The following CNTN1 variants were observed in gnomAD, a reference collection of about 807,000 sequenced individuals.
CNTN1 encodes the protein contactin 1.
A neutral mutation model predicts 126.4 loss-of-function variants in CNTN1; 38 were observed. The observed-to-expected ratio is 0.30, with a 90% CI of 0.23 to 0.39. The LOEUF (loss-of-function observed/expected upper bound fraction) is 0.39, where lower values mean the gene tolerates loss of function less well. Among genes scored for constraint, CNTN1 ranks in the 10% least tolerant of loss-of-function variants. The pLI is 1.00. For missense variants in CNTN1, 1,009 were observed against 1,248.4 expected, an observed-to-expected ratio of 0.81 and a Z score of 2.89; for synonymous variants, 413 against 422.6, an observed-to-expected ratio of 0.98 and a Z score of 0.28.
chr12:40,798,483 T>G (rs560895813), intron 1 of CNTN1, among the ~76,000 whole-genome samples: 19 of 152,070 alleles, frequency 1.2e-4, no homozygotes, highest in African/African-American at 4.1e-4. Flanking sequence ...AGGTGGATGA[T>G]AGCCAAGGGT....
intron 1 of CNTN1, among the ~76,000 whole-genome samples, chr12:40,893,761 G>A (rs990161105): frequency 6.6e-6 from 1 of 151,964 alleles, no homozygotes; most frequent in African/African-American, 2.4e-5. Context: ...TGATTAGGAG[G>A]TTCTCTTGCT....
chr12:40,725,673 G>A (rs770971826), intron 1 of CNTN1, among the ~76,000 whole-genome samples: 5 of 152,094 alleles, frequency 3.3e-5, no homozygotes, highest in Non-Finnish European at 4.4e-5. Context: ...AGCAAACACA[G>A]TTGACCTAAT....
chr12:40,805,595 G>T (rs1369305480), intron 1 of CNTN1, among the ~76,000 whole-genome samples: 2 of 152,028 alleles, frequency 1.3e-5, no homozygotes, highest in Non-Finnish European at 2.9e-5. Flanking sequence ...CTTTATATCT[G>T]TTAGCATTTT....
At chr12:40,956,831 A>G (rs1592319711) in intron 14 of CNTN1, among the ~76,000 whole-genome samples, 1 of 152,214 alleles carries the variant, frequency 6.6e-6, no homozygotes, top group East Asian at 1.9e-4. Flanking sequence ...TTAAAAGGTT[A>G]TTCTAGGTAA....
chr12:40,812,385 T>C (rs73116766), intron 1 of CNTN1, among the ~76,000 whole-genome samples: 3,464 of 152,190 alleles, frequency 0.023, 126 homozygotes, highest in African/African-American at 0.078. Flanking sequence ...GTGTATGTCT[T>C]GTGTTCACTT....
intron 6 of CNTN1, among the ~76,000 whole-genome samples, chr12:40,926,218 T>TAGATAGATAGAC (rs1945689677): frequency 6.6e-6 from 1 of 151,240 alleles, no homozygotes; most frequent in African/African-American, 2.4e-5. Flanking sequence ...GATAGATAGA[T>TAGATAGATAGAC]AGATATAATG....
At chr12:40,740,205 A>C (rs1362486593) in intron 1 of CNTN1, among the ~76,000 whole-genome samples, 1 of 152,108 alleles carries the variant, frequency 6.6e-6, no homozygotes, top group African/African-American at 2.4e-5. Context: ...GTAAATAATC[A>C]TAGTTACATT....
chr12:41,018,864 TATG>T (rs1284389811), intron 19 of CNTN1, among the ~76,000 whole-genome samples: 3 of 152,178 alleles, frequency 2.0e-5, no homozygotes, highest in Admixed American at 6.5e-5. Context: ...TCAGCAGAAA[TATG>T]ATAACTTGGC....
At chr12:41,018,078 G>A (rs952832776) in intron 19 of CNTN1, among the ~76,000 whole-genome samples, 7 of 149,436 alleles carry the variant, frequency 4.7e-5, no homozygotes, top group Admixed American at 2.0e-4. Context: ...CAACAAAAGC[G>A]AAAGTCCATC....
intron 23 of CNTN1, among the ~76,000 whole-genome samples, chr12:41,048,778 AGAAG>A (rs1327528769): frequency 1.3e-5 from 2 of 152,212 alleles, no homozygotes; most frequent in East Asian, 1.9e-4. Flanking sequence ...GGAGAGAAAG[AGAAG>A]GAAGGAAGGA....
intron 1 of CNTN1, among the ~76,000 whole-genome samples, chr12:40,833,284 C>T (rs7980993): frequency 0.45 from 68,236 of 151,608 alleles, 15,552 homozygotes; most frequent in East Asian, 0.7. Context: ...TTAGTAGAGA[C>T]AGGGTTTCAC....
At position 40,937,623 on chromosome 12, in the gene CNTN1, GTATCAGTGCA is replaced by G; in HGVS notation, c.1167_1176del (p.Tyr389Ter). ...ATGTGACTTTTGAAAATGCCGGAAT[GTATCAGTGCA>G]TAGCTGAAAACACATATGGAGCCAT... is the stretch of plus-strand genomic sequence containing the variant. On this transcript the variant is annotated frameshift_variant, in exon 11 of 24. Transcript: ENST00000551295. LOFTEE classifies it high-confidence loss of function. The G allele has an allele frequency of 6.2e-7, 1 of 1,613,276 alleles. No individual in the cohort carries two copies. The highest frequency in any genetic ancestry group is 8.5e-7 in the Non-Finnish European group (1 of 1,179,394).
Position 40,939,270 on chromosome 12 carries a change from AC to A in CNTN1, c.1229-64del, listed in dbSNP as rs1377705076. On this transcript the variant is annotated intron_variant, in intron 11 of 23. Transcript: ENST00000551295. ...ATTAAGGAGAATAAAAGATTCTACA[AC>A]ACAGAAGCAATGTTTAGGCTTTACA... 9 of 1,550,180 alleles carry A rather than the reference AC, an allele frequency of 5.8e-6. 1 individual carries two copies. Among genetic ancestry groups the A allele is most frequent in the Non-Finnish European group, 8.0e-6 (9 of 1,125,670 alleles).
At chr12:40,707,046 GCACACACACACACACACACACA>G (rs59993134) in intron 1 of CNTN1, among the ~76,000 whole-genome samples, 3 of 149,316 alleles carry the variant, frequency 2.0e-5, no homozygotes, top group Admixed American at 6.7e-5. Context: ...GCGCGCTTGC[GCACACACACACACACACACACA>G]CACACACACA....
At chr12:40,951,299 T>A (rs1300921111) in intron 14 of CNTN1, among the ~76,000 whole-genome samples, 1 of 152,158 alleles carries the variant, frequency 6.6e-6, no homozygotes, top group Non-Finnish European at 1.5e-5. Flanking sequence ...TCAACACGTC[T>A]ACTCTTAATT....
chr12:40,802,167 G>T (rs976890525), intron 1 of CNTN1, among the ~76,000 whole-genome samples: 3 of 151,952 alleles, frequency 2.0e-5, no homozygotes, highest in Non-Finnish European at 4.4e-5. Context: ...TTAAGTGGAT[G>T]TGTCTACAGT....
chr12:40,959,953 T>C (rs1393480624), intron 15 of CNTN1, among the ~76,000 whole-genome samples: 1 of 152,054 alleles, frequency 6.6e-6, no homozygotes, highest in Non-Finnish European at 1.5e-5. Flanking sequence ...ACTCCAACCA[T>C]CTAACTAATC....
At chr12:40,936,614 G>A (rs568290383) in intron 9 of CNTN1, among the ~76,000 whole-genome samples, 167 bp from the exon 10 acceptor site, 7 of 152,216 alleles carry the variant, frequency 4.6e-5, no homozygotes, top group South Asian at 4.1e-4. Flanking sequence ...CAGGATTTGC[G>A]TAGGTTAAGC....
At chr12:40,826,555 TG>T (rs1471506048) in intron 1 of CNTN1, among the ~76,000 whole-genome samples, 2 of 152,188 alleles carry the variant, frequency 1.3e-5, no homozygotes, top group Non-Finnish European at 2.9e-5. Context: ...ATCAGTCAAG[TG>T]CAACTGTCTT....
Sources: gnomAD v4.1 joint callset for allele counts (sites outside exome capture counted in the v4.1 genomes callset) on GRCh38, gnomAD v4.1.1 for gene constraint, MANE v1.5 for transcripts, NCBI Gene and HGNC (gene_info 2026-07-23, HGNC 2026-07-21) for gene names.